Variants in MAP2K2 observed in about 807,000 individuals in gnomAD.
MAP2K2 encodes mitogen-activated protein kinase kinase 2.
A neutral mutation model predicts 43.7 loss-of-function variants in MAP2K2; 24 were observed. That is an observed-to-expected ratio of 0.55 (90% CI 0.40 to 0.77). The LOEUF (loss-of-function observed/expected upper bound fraction) is 0.77, where lower values mean the gene tolerates loss of function less well. MAP2K2 is among the 30% of genes least tolerant of loss of function. The pLI, the probability that MAP2K2 is intolerant of heterozygous loss-of-function variation, is 0.00. For synonymous variants in MAP2K2, 244 were observed against 239.7 expected (o/e 1.02, Z -0.17); for missense variants, 470 against 566.8 (o/e 0.83, Z 1.73).
In MAP2K2 at chr19:4,099,523, G is replaced by A. The variant is rs1033014193; in HGVS notation, c.706-109C>T. ...GTCACCCTCTCCATGGCTAATGACC[G>A]CAGCAATGGATAGAGAGCTGTTACG... On this transcript the variant is annotated intron_variant, in intron 6 of 10. Coordinates refer to ENST00000262948, the MANE Select transcript of MAP2K2 (RefSeq NM_030662.4). 35 of 856,938 alleles carry A rather than the reference G, an allele frequency of 4.1e-5. No individual in the cohort carries two copies. The Middle Eastern group carries it at 6.8e-4, about 17-fold the overall frequency. The allele number at this position is 856,938 out of a possible 1,614,324, so 53.1% of individuals were successfully genotyped here.
intron 1 of MAP2K2, among the ~76,000 whole-genome samples, chr19:4,118,543 C>A (rs551607685): frequency 2.0e-5 from 3 of 152,248 alleles, no homozygotes; most frequent in Admixed American, 2.0e-4. Context: ...CTTGCCACTG[C>A]ACTCCAGCCT....
At chr19:4,116,326 T>C (rs915911497) in intron 2 of MAP2K2, among the ~76,000 whole-genome samples, 11 of 151,764 alleles carry the variant, frequency 7.2e-5, no homozygotes, top group Admixed American at 6.6e-5. Context: ...AGGTCAGGAG[T>C]TCGAGACCAG....
At chr19:4,108,783 G>C (rs2041120138) in intron 3 of MAP2K2, among the ~76,000 whole-genome samples, 2 of 152,156 alleles carry the variant, frequency 1.3e-5, no homozygotes, top group African/African-American at 2.4e-5. Context: ...AACGAGGATG[G>C]ACAGAACTCC....
At chr19:4,104,265 TAAAA>T (rs565822542) in intron 3 of MAP2K2, among the ~76,000 whole-genome samples, 3 of 97,348 alleles carry the variant, frequency 3.1e-5, no homozygotes, top group Non-Finnish European at 4.2e-5. Flanking sequence ...ACTCCTCAAT[TAAAA>T]AAAAAAAAAA....
In MAP2K2 at chr19:4,099,342, G is replaced by A. The variant is rs766528759; in HGVS notation, c.778C>T (p.Leu260=). The change falls in exon 7 of 11, where the codon CTG becomes TTG. Residue 260 remains leucine, a synonymous_variant. Transcript: ENST00000262948. Reference sequence around the variant, plus strand: ...GGGATGGGGTACCTTCCGACGGCCAGCTCCACCAGGGACAGGCCCATGCTC... The same window carrying A: ...GGGATGGGGTACCTTCCGACGGCCAACTCCACCAGGGACAGGCCCATGCTC... The part of the protein sequence containing the change: ...IWSMGLSLVE[L]AVGRYPIPPP... The A allele has an allele frequency of 2.0e-5, 32 of 1,611,344 alleles. No homozygotes were observed. In the South Asian group the frequency reaches 3.0e-4, roughly 15 times the overall value.
chr19:4,110,049 A>G (rs2041134945), intron 3 of MAP2K2, among the ~76,000 whole-genome samples: 1 of 152,156 alleles, frequency 6.6e-6, no homozygotes, highest in African/African-American at 2.4e-5. Flanking sequence ...CACACCTGTA[A>G]TCCCAGCACT....
chr19:4,103,086 ACCAGGGG>A, intron 3 of MAP2K2: 1 of 1,014,504 alleles, frequency 9.9e-7, no homozygotes, highest in Non-Finnish European at 1.2e-6. Context: ...GCCGAGTAGG[ACCAGGGG>A]CCAGGGGGTG....
chr19:4,095,300 A>G (rs1302847484), intron 9 of MAP2K2, 88 bp downstream of exon 9: 3 of 1,178,714 alleles, frequency 2.5e-6, no homozygotes, highest in Non-Finnish European at 3.7e-6. Context: ...CTGGATGGGC[A>G]GGCTGGGCCA....
intron 1 of MAP2K2, among the ~76,000 whole-genome samples, chr19:4,120,694 G>C (rs1024669902): frequency 1.3e-5 from 2 of 152,194 alleles, no homozygotes; most frequent in African/African-American, 2.4e-5. Context: ...TCTGGAGTCA[G>C]CTGACTAATC....
chr19:4,109,682 C>T (rs190377032), intron 3 of MAP2K2, among the ~76,000 whole-genome samples: 466 of 152,244 alleles, frequency 3.1e-3, no homozygotes, highest in Non-Finnish European at 4.5e-3. Flanking sequence ...CACTATGTTG[C>T]CCAGCCTGGT....
At chr19:4,095,340 G>T in intron 9 of MAP2K2, 48 bp downstream of exon 9, 2 of 1,517,616 alleles carry the variant, frequency 1.3e-6, no homozygotes, top group Non-Finnish European at 1.8e-6. Context: ...GGAAGGAGTG[G>T]CACATCTGGG....
chr19:4,119,790 G>T (rs775636033), intron 1 of MAP2K2, among the ~76,000 whole-genome samples: 1 of 152,246 alleles, frequency 6.6e-6, no homozygotes, highest in African/African-American at 2.4e-5. Flanking sequence ...CCCAATTCAG[G>T]AAGGAGCTAA....
chr19:4,117,858 C>G (rs574280371), intron 1 of MAP2K2, among the ~76,000 whole-genome samples: 1 of 152,198 alleles, frequency 6.6e-6, no homozygotes, highest in Non-Finnish European at 1.5e-5. Context: ...TTGATCCTGT[C>G]TCAACAAGTC....
chr19:4,105,155 CGTGTGTGTGTGTGT>C lies in MAP2K2; in HGVS notation c.451-2716_451-2703del, dbSNP rs61710801. Among the ~76,000 whole-genome samples the C allele has an allele frequency of 7.2e-3, 991 of 137,696 alleles. 7 individuals carry two copies. Among genetic ancestry groups the C allele is most frequent in the East Asian group, 0.015 (72 of 4,790 alleles). 90.3% of individuals were successfully genotyped at this position (137,696 alleles called of 152,430 possible). On this transcript the variant is annotated intron_variant, in intron 3 of 10. Transcript: ENST00000262948. ...TCTGTGCATGACCATACACGTCTACCGTGTGTGTGTGTGTGTGTGTGTGTGTGTGTGTGTGTGTG... is the reference window on the plus strand; with the variant it reads ...TCTGTGCATGACCATACACGTCTACCGTGTGTGTGTGTGTGTGTGTGTGTG...
At position 4,101,959 on chromosome 19, in the gene MAP2K2, A is replaced by G. The variant is rs1018148178; in HGVS notation, c.528+417T>C. 5.3e-5 allele frequency among the ~76,000 whole-genome samples: 8 copies of G among 152,262 alleles called. No individual in the cohort carries two copies. The highest frequency in any genetic ancestry group is 1.9e-4 in the East Asian group (1 of 5,178). On this transcript the variant is annotated intron_variant, in intron 4 of 10. Transcript: ENST00000262948. This position sits in a 1 kb window ranked among gnomAD's most constrained non-coding sequence, Gnocchi z 6.3. ...AGCTGTGCTGGAGACCGGGCAGCAG[A>G]GACGCCCTTGGCCCCGGTGACATTT...
chr19:4,108,557 C>T (rs565379990), intron 3 of MAP2K2, among the ~76,000 whole-genome samples: 5 of 152,028 alleles, frequency 3.3e-5, no homozygotes, highest in East Asian at 3.9e-4. Context: ...TAGACCACCT[C>T]GGAACTTTTA....
intron 10 of MAP2K2, among the ~76,000 whole-genome samples, chr19:4,093,793 T>G (rs945126774): frequency 1.3e-5 from 2 of 152,150 alleles, no homozygotes; most frequent in Non-Finnish European, 2.9e-5. Flanking sequence ...GCACAGAAAG[T>G]AACGGGCTGT....
At chr19:4,118,607 A>G (rs1599308424) in intron 1 of MAP2K2, among the ~76,000 whole-genome samples, 2 of 152,272 alleles carry the variant, frequency 1.3e-5, no homozygotes, top group Non-Finnish European at 2.9e-5. Flanking sequence ...AAACAAAAAA[A>G]ACAAAAAATA....
chr19:4,097,205 TAA>T (rs10681431), intron 8 of MAP2K2, 72 bp downstream of exon 8: 14,272 of 558,936 alleles, frequency 0.026, no homozygotes, highest in Middle Eastern at 0.029. Context: ...AGACTCTGCC[TAA>T]AAAAAAAAAA....
Sources: allele counts gnomAD v4.1 joint callset (sites outside exome capture counted in the v4.1 genomes callset), GRCh38; gene constraint gnomAD v4.1.1; non-coding constraint Gnocchi (gnomAD v3.1); transcripts MANE v1.5; gene names NCBI Gene and HGNC (gene_info 2026-07-23, HGNC 2026-07-21).